The following CAST variants were observed in gnomAD, a reference collection of about 807,000 sequenced individuals.
CAST encodes the protein calpastatin.
A neutral mutation model predicts 119.6 loss-of-function variants in CAST; 76 were observed. The ratio of observed to expected loss-of-function variants is 0.64; its 90% CI spans 0.53 to 0.77. The LOEUF (loss-of-function observed/expected upper bound fraction) is 0.77, where lower values mean the gene tolerates loss of function less well. Ranked by LOEUF, CAST falls within the 30% of genes least tolerant of loss-of-function variation. CAST has a pLI of 0.00. For missense variants in CAST, 953 were observed against 946.5 expected (o/e 1.01, Z -0.09); for synonymous variants, 319 against 331.6 (o/e 0.96, Z 0.41).
At chr5:96,329,622 TA>T in the CAST span, among the ~76,000 whole-genome samples, 41 of 152,372 alleles carry the variant, frequency 2.7e-4, no homozygotes, top group African/African-American at 9.1e-4. Context: ...CCAGTAGCAC[TA>T]ACATGAGAAG....
At chr5:96,023,178 G>T in the CAST span, among the ~76,000 whole-genome samples, 2 of 152,274 alleles carry the variant, frequency 1.3e-5, no homozygotes, top group East Asian at 3.9e-4. Flanking sequence ...TACTGCTTGT[G>T]CAGCCACAGG....
At chr5:96,050,624 G>A in the CAST span, among the ~76,000 whole-genome samples, 13 of 152,276 alleles carry the variant, frequency 8.5e-5, no homozygotes, top group African/African-American at 2.7e-4. Flanking sequence ...ATTAGGAAGA[G>A]TAGACGTGGT....
chr5:96,183,846 G>T, the CAST span, among the ~76,000 whole-genome samples: 2 of 152,250 alleles, frequency 1.3e-5, no homozygotes, highest in Admixed American at 6.5e-5. Context: ...TAGGCACATG[G>T]ACATGAACAT....
intron 9 of CAST, among the ~76,000 whole-genome samples, chr5:96,733,669 G>A (rs892212972): frequency 1.3e-5 from 2 of 152,126 alleles, no homozygotes; most frequent in African/African-American, 4.8e-5. Context: ...CCTGAGGTCA[G>A]GAGCTCAAGA....
chr5:96,149,904 T>A, the CAST span, among the ~76,000 whole-genome samples: 1 of 152,242 alleles, frequency 6.6e-6, no homozygotes, highest in Non-Finnish European at 1.5e-5. Flanking sequence ...CAAGGTAACT[T>A]ATTTCAAGAT....
At chr5:96,141,036 G>C in the CAST span, among the ~76,000 whole-genome samples, 1 of 151,770 alleles carries the variant, frequency 6.6e-6, no homozygotes, top group East Asian at 1.9e-4. Context: ...ATTATGCATA[G>C]AATTAAACTA....
the CAST span, among the ~76,000 whole-genome samples, chr5:96,466,049 C>T: frequency 6.6e-6 from 1 of 152,084 alleles, no homozygotes; most frequent in Non-Finnish European, 1.5e-5. Context: ...TTCTGGACCA[C>T]ATTAGCCACA....
At chr5:96,437,437 A>T in the CAST span, among the ~76,000 whole-genome samples, 3 of 152,216 alleles carry the variant, frequency 2.0e-5, no homozygotes, top group Non-Finnish European at 4.4e-5. Flanking sequence ...GTTGCAGAGC[A>T]TCCCTGCTTC....
chr5:96,392,180 T>C, the CAST span: 1 of 152,178 alleles, frequency 6.6e-6, no homozygotes, highest in African/African-American at 2.4e-5. Flanking sequence ...GTAAGTTTTT[T>C]TTTTTCTGGG....
the CAST span, among the ~76,000 whole-genome samples, chr5:96,155,009 T>C: frequency 2.0e-5 from 3 of 152,324 alleles, no homozygotes; most frequent in East Asian, 5.8e-4. Context: ...GCAGAATACT[T>C]ATGTAAGTTA....
the CAST span, among the ~76,000 whole-genome samples, chr5:96,341,967 T>C: frequency 6.6e-6 from 1 of 152,174 alleles, no homozygotes; most frequent in Non-Finnish European, 1.5e-5. Flanking sequence ...AAAAATTCCT[T>C]GATAAAATCA....
the CAST span, among the ~76,000 whole-genome samples, chr5:96,381,558 A>T: frequency 6.6e-6 from 1 of 152,240 alleles, no homozygotes; most frequent in Admixed American, 6.5e-5. Flanking sequence ...TATTATGGTC[A>T]ATAACAGTCA....
At chr5:96,415,667 G>C in the CAST span, among the ~76,000 whole-genome samples, 1 of 152,088 alleles carries the variant, frequency 6.6e-6, no homozygotes, top group Non-Finnish European at 1.5e-5. Context: ...AACTTCTACA[G>C]AATTGAGAGG....
chr5:96,147,050 T>C, the CAST span, among the ~76,000 whole-genome samples: 24 of 152,200 alleles, frequency 1.6e-4, no homozygotes, highest in Admixed American at 2.6e-4. Context: ...TACCTGTCTC[T>C]ACCACAGTAC....
the CAST span, among the ~76,000 whole-genome samples, chr5:96,243,309 AT>A: frequency 0.4 from 58,628 of 145,490 alleles, 11,945 homozygotes; most frequent in African/African-American, 0.52. Context: ...TCAATAGAGA[AT>A]TTTTTTTTTT....
the CAST span, among the ~76,000 whole-genome samples, chr5:96,514,990 A>G: frequency 2.0e-5 from 3 of 152,034 alleles, no homozygotes; most frequent in Non-Finnish European, 2.9e-5. Context: ...GTCTCAGGTG[A>G]TCTGCCCACC....
chr5:96,469,962 A>G, the CAST span, among the ~76,000 whole-genome samples: 1 of 150,502 alleles, frequency 6.6e-6, no homozygotes, highest in Non-Finnish European at 1.5e-5. Context: ...TAAAATTATT[A>G]TAAACATGAT....
chr5:96,136,565 A>G, the CAST span, among the ~76,000 whole-genome samples: 1 of 152,228 alleles, frequency 6.6e-6, no homozygotes, highest in African/African-American at 2.4e-5. Context: ...CATTGCCTCA[A>G]GGCCACCTCA....
the CAST span, among the ~76,000 whole-genome samples, chr5:96,063,587 T>G: frequency 6.6e-6 from 1 of 152,182 alleles, no homozygotes; most frequent in African/African-American, 2.4e-5. Flanking sequence ...TGTTTCTTAG[T>G]CTGATAAATC....
Sources: gnomAD v4.1 joint callset for allele counts (sites outside exome capture counted in the v4.1 genomes callset) on GRCh38, gnomAD v4.1.1 for gene constraint, MANE v1.5 for transcripts, NCBI Gene and HGNC (gene_info 2026-07-23, HGNC 2026-07-21) for gene names.